EXT1: variants seen among roughly 807,000 people sequenced by gnomAD.
The protein encoded by EXT1 is exostosin glycosyltransferase 1.
Under a neutral mutation model 82.5 loss-of-function variants are expected in EXT1, and 20 were observed. The observed-to-expected ratio is 0.24, with a 90% confidence interval of 0.17 to 0.35. The LOEUF (loss-of-function observed/expected upper bound fraction) is 0.35, where lower values mean the gene tolerates loss of function less well. Ranked by LOEUF, EXT1 falls within the 10% of genes least tolerant of loss-of-function variation. The pLI is 1.00. For missense variants in EXT1, 757 were observed against 936.5 expected (o/e 0.81, Z 2.50); for synonymous variants, 348 against 350.8 (o/e 0.99, Z 0.09).
intron 1 of EXT1, among the ~76,000 whole-genome samples, chr8:117,876,115 A>C (rs1812966144): frequency 1.3e-5 from 2 of 152,250 alleles, no homozygotes; most frequent in African/African-American, 2.4e-5. Context: ...CTAAGAGTCT[A>C]ATAGTCTAAC....
chr8:118,070,949 G>A (rs140708263), intron 1 of EXT1, among the ~76,000 whole-genome samples: 4 of 152,250 alleles, frequency 2.6e-5, no homozygotes, highest in South Asian at 2.1e-4. Flanking sequence ...TCCTGAGGCC[G>A]TTTTAAAGCC....
intron 4 of EXT1, among the ~76,000 whole-genome samples, chr8:117,829,289 T>C (rs1812057652): frequency 6.6e-6 from 1 of 152,122 alleles, no homozygotes; most frequent in Non-Finnish European, 1.5e-5. Context: ...TCCTTTTTCT[T>C]TTTCCGTCCT....
chr8:117,989,081 C>T (rs1456185190), intron 1 of EXT1, among the ~76,000 whole-genome samples: 3 of 115,142 alleles, frequency 2.6e-5, no homozygotes, highest in East Asian at 5.0e-4. Context: ...AAAAAAAAAA[C>T]TATTTTATTT....
intron 1 of EXT1, among the ~76,000 whole-genome samples, chr8:117,923,907 A>T (rs2129639394): frequency 6.6e-6 from 1 of 152,286 alleles, no homozygotes; most frequent in East Asian, 1.9e-4. Flanking sequence ...AATTAGTGTT[A>T]TGGGTCTAGT....
At position 118,030,118 on chromosome 8, in the gene EXT1, T is replaced by A. The variant is rs1418142473; in HGVS notation, c.962+79967A>T. ...GATTAGATTTAAAACCGTGCTTTTC[T>A]CTCTGAGGCTCTACAAACATCTCCC... On this transcript the variant is annotated intron_variant, in intron 1 of 10. Coordinates refer to ENST00000378204, the MANE Select transcript of EXT1 (RefSeq NM_000127.3). 3.0e-4 allele frequency among the ~76,000 whole-genome samples: 46 copies of A among 152,126 alleles called. 1 individual carries two copies. Among genetic ancestry groups the A allele is most frequent in the Admixed American group, 3.0e-3 (46 of 15,270 alleles).
chr8:118,111,652 T>A lies in EXT1; in HGVS notation c.-606A>T, dbSNP rs1251987122. On this transcript the variant is annotated 5_prime_UTR_variant, in exon 1 of 11. Transcript: ENST00000378204. Reference sequence around the variant, plus strand: ...CCAAGACTCCGGCGGTGTTTACTCCTGCGCTCGCGGGGCCGGCCCCCGGGA... The same window carrying A: ...CCAAGACTCCGGCGGTGTTTACTCCAGCGCTCGCGGGGCCGGCCCCCGGGA... The A allele has an allele frequency of 7.8e-6, 3 of 383,488 alleles. No homozygotes were observed. The highest frequency in any genetic ancestry group is 6.2e-5 in the African/African-American group (3 of 48,134). 23.8% of individuals were successfully genotyped at this position (383,488 alleles called of 1,614,324 possible).
intron 8 of EXT1, among the ~76,000 whole-genome samples, chr8:117,811,363 G>A (rs1373187082): frequency 6.6e-6 from 1 of 152,138 alleles, no homozygotes; most frequent in Non-Finnish European, 1.5e-5. Flanking sequence ...TGAATGTTAA[G>A]CTTATCAACA....
Position 118,008,404 on chromosome 8 carries a change from C to T in EXT1, c.962+101681G>A, listed in dbSNP as rs193052376. 4.9e-4 allele frequency among the ~76,000 whole-genome samples: 75 copies of T among 152,154 alleles called. 1 individual carries two copies. The highest frequency in any genetic ancestry group is 3.4e-3 in the Middle Eastern group (1 of 294). ...CCTTCCAAGTAGCTGGGATTATAGACGCCCACCACCATGCCTGGCTAACTT... is the reference window on the plus strand; with the variant it reads ...CCTTCCAAGTAGCTGGGATTATAGATGCCCACCACCATGCCTGGCTAACTT... On this transcript the variant is annotated intron_variant, in intron 1 of 10. Transcript: ENST00000378204.
intron 10 of EXT1, among the ~76,000 whole-genome samples, chr8:117,802,696 ATGTT>A (rs1266362158): frequency 6.6e-6 from 1 of 152,226 alleles, no homozygotes; most frequent in Non-Finnish European, 1.5e-5. Context: ...ATAAATAAAA[ATGTT>A]TGGGCACATA....
At chr8:117,832,565 G>A (rs1003996842) in intron 3 of EXT1, among the ~76,000 whole-genome samples, 1 of 151,876 alleles carries the variant, frequency 6.6e-6, no homozygotes, top group Non-Finnish European at 1.5e-5. Flanking sequence ...GCCTAAAGCT[G>A]TCATTGCTAT....
rs548122203 is a variant in EXT1, at chr8:118,047,864, A to ACAAT, written c.962+62217_962+62220dup. ...GCAGAGTCTAGTCCATGGAGGCACCACAATCAATCAATCAATCAATTAATC... is the reference window on the plus strand; with the variant it reads ...GCAGAGTCTAGTCCATGGAGGCACCACAATCAATCAATCAATCAATCAATTAATC... On this transcript the variant is annotated intron_variant, in intron 1 of 10. Transcript: ENST00000378204. 7.2e-5 allele frequency among the ~76,000 whole-genome samples: 11 copies of ACAAT among 152,104 alleles called. No individual in the cohort carries two copies. The East Asian group carries it at 7.7e-4, about 11-fold the overall frequency.
At chr8:118,054,430 T>A in intron 1 of EXT1, among the ~76,000 whole-genome samples, 1 of 152,202 alleles carries the variant, frequency 6.6e-6, no homozygotes, top group East Asian at 1.9e-4. Context: ...AGAAGGCCAG[T>A]CCACAGCAAC....
intron 1 of EXT1, among the ~76,000 whole-genome samples, chr8:117,888,224 A>C (rs1277972373): frequency 6.6e-6 from 1 of 152,132 alleles, no homozygotes; most frequent in African/African-American, 2.4e-5. Context: ...GTTCATAGAA[A>C]TACACATGAA....
rs557173285 is a variant in EXT1, at chr8:118,056,009, C to A, written c.962+54076G>T. Among the ~76,000 whole-genome samples the A allele has an allele frequency of 2.8e-4, 42 of 152,154 alleles. 1 individual carries two copies. In the South Asian group the frequency reaches 7.7e-3, roughly 28 times the overall value. On this transcript the variant is annotated intron_variant, in intron 1 of 10. Transcript: ENST00000378204. ...AATCTTTTGGCTTCCCTGGGCCACACTGGAAGAAGAACTGTCTTGGGCTAC... is the reference window on the plus strand; with the variant it reads ...AATCTTTTGGCTTCCCTGGGCCACAATGGAAGAAGAACTGTCTTGGGCTAC...
At chr8:117,829,168 GCATGCGTGTGC>G (rs1812055444) in intron 4 of EXT1, among the ~76,000 whole-genome samples, 1 of 152,140 alleles carries the variant, frequency 6.6e-6, no homozygotes, top group African/African-American at 2.4e-5. Context: ...AGCTTGTAAT[GCATGCGTGTGC>G]AGTTTCCTGA....
chr8:117,889,314 T>C (rs1813202064), intron 1 of EXT1, among the ~76,000 whole-genome samples: 1 of 152,192 alleles, frequency 6.6e-6, no homozygotes, highest in Non-Finnish European at 1.5e-5. Flanking sequence ...CTCCTAGCTA[T>C]TTATCACCCT....
At chr8:117,850,054 G>A (rs987423700) in intron 1 of EXT1, among the ~76,000 whole-genome samples, 7 of 152,196 alleles carry the variant, frequency 4.6e-5, no homozygotes, top group African/African-American at 1.7e-4. Flanking sequence ...TTGGGTTTCA[G>A]CTATTAACCA....
At chr8:117,953,435 A>C (rs1317212111) in intron 1 of EXT1, among the ~76,000 whole-genome samples, 1 of 151,542 alleles carries the variant, frequency 6.6e-6, no homozygotes, top group East Asian at 1.9e-4. Context: ...TGTGAGCCCC[A>C]ATGAAGCAAA....
intron 1 of EXT1, among the ~76,000 whole-genome samples, chr8:117,906,222 A>G (rs548375953): frequency 6.6e-6 from 1 of 152,190 alleles, no homozygotes; most frequent in Non-Finnish European, 1.5e-5. Flanking sequence ...AGCATCTCTC[A>G]CAAGGCAAAT....
Sources: gnomAD v4.1 joint callset for allele counts (sites outside exome capture counted in the v4.1 genomes callset) on GRCh38, gnomAD v4.1.1 for gene constraint, MANE v1.5 for transcripts, NCBI Gene and HGNC (gene_info 2026-07-23, HGNC 2026-07-21) for gene names.